Variants in FBN2 observed in about 807,000 individuals in gnomAD.
The protein encoded by FBN2 is fibrillin-2.
In FBN2, 105 loss-of-function variants were observed where a neutral mutation model predicts 355.6. The observed-to-expected ratio is 0.30, with a 90% confidence interval of 0.25 to 0.35. The LOEUF is 0.35. Among genes scored for constraint, FBN2 ranks in the 10% least tolerant of loss-of-function variants. The pLI, the probability that FBN2 is intolerant of heterozygous loss-of-function variation, is 1.00. For missense variants in FBN2, 3,280 were observed against 3,758.7 expected (o/e 0.87, Z 3.33); for synonymous variants, 1,350 against 1,301.2 (o/e 1.04, Z -0.81).
chr5:128,481,718 C>G, intron 5 of FBN2, among the ~76,000 whole-genome samples: 1 of 152,162 alleles, frequency 6.6e-6, no homozygotes, highest in Middle Eastern at 3.4e-3. Context: ...TTTGTATTAT[C>G]TATTTATATC....
intron 5 of FBN2, among the ~76,000 whole-genome samples, chr5:128,495,444 C>G (rs1039719972): frequency 1.3e-5 from 2 of 151,938 alleles, no homozygotes; most frequent in Non-Finnish European, 2.9e-5. Flanking sequence ...TTAATTTATA[C>G]CTCCAAGAAG....
chr5:128,514,506 A>G (rs1036526518), intron 5 of FBN2, among the ~76,000 whole-genome samples: 1 of 152,150 alleles, frequency 6.6e-6, no homozygotes, highest in African/African-American at 2.4e-5. Context: ...TTTTTCTTAT[A>G]ACTCAAGTTC....
intron 7 of FBN2, among the ~76,000 whole-genome samples, chr5:128,422,187 A>G (rs1753366960): frequency 1.3e-5 from 2 of 152,336 alleles, no homozygotes; most frequent in South Asian, 4.1e-4. Context: ...GATCTCTAGA[A>G]CTGTAAGACA....
At chr5:128,269,750 C>T (rs187470074) in intron 62 of FBN2, among the ~76,000 whole-genome samples, 2 of 152,308 alleles carry the variant, frequency 1.3e-5, no homozygotes, top group Admixed American at 6.5e-5. Context: ...AATGGAAAAA[C>T]ATTCCATCCT....
At chr5:128,318,795 C>T (rs529009991) in intron 35 of FBN2, 84 bp downstream of exon 35, 2 of 1,437,890 alleles carry the variant, frequency 1.4e-6, no homozygotes, top group South Asian at 2.5e-5. Flanking sequence ...ATTAGCTAAG[C>T]AGAAATCTCA....
At chr5:128,329,573 T>A (rs1750638510) in intron 33 of FBN2, among the ~76,000 whole-genome samples, 1 of 152,200 alleles carries the variant, frequency 6.6e-6, no homozygotes, top group Non-Finnish European at 1.5e-5. Flanking sequence ...GCATGTTGAC[T>A]GAGCCAGGAT....
chr5:128,278,537 C>G (rs1561744252), intron 57 of FBN2, 98 bp downstream of exon 57: 1 of 1,055,706 alleles, frequency 9.5e-7, no homozygotes, highest in African/African-American at 1.6e-5. Flanking sequence ...TTTAGCTACT[C>G]TTTTGATTGT....
At chr5:128,341,880 G>A (rs937276920) in intron 25 of FBN2, among the ~76,000 whole-genome samples, 2 of 152,208 alleles carry the variant, frequency 1.3e-5, no homozygotes, top group African/African-American at 4.8e-5. Context: ...CCAGTTTAAT[G>A]AAAGAATTCG....
In FBN2 at chr5:128,337,986, G is replaced by C. The variant is rs1750890916; in HGVS notation, c.3598+11C>G. Reference sequence around the variant, plus strand: ...GCTGGGCAGGTTTATGTGCTGAGGAGATAAACTCACCCACACAGTCCTCAC... The same window carrying C: ...GCTGGGCAGGTTTATGTGCTGAGGACATAAACTCACCCACACAGTCCTCAC... On this transcript the variant is annotated intron_variant, in intron 27 of 64. Transcript: ENST00000262464. The C allele has an allele frequency of 1.2e-6, 2 of 1,613,772 alleles. No homozygotes were observed. The highest frequency in any genetic ancestry group is 1.7e-5 in the Admixed American group (1 of 59,998).
intron 34 of FBN2, among the ~76,000 whole-genome samples, chr5:128,327,807 T>A (rs942002872): frequency 2.0e-5 from 3 of 152,074 alleles, no homozygotes; most frequent in African/African-American, 7.2e-5. Context: ...CCCAGCTAAT[T>A]TTGTATTTTT....
At position 128,338,876 on chromosome 5, in the gene FBN2, G is replaced by A. The variant is rs548766578; in HGVS notation, c.3472+57C>T. ...AGAGATAAGCAAAGGTCATGCGCAC[G>A]AATGAGTCTGTGCTAGTATGGTTTC... On this transcript the variant is annotated intron_variant, in intron 26 of 64. Coordinates refer to ENST00000262464, the MANE Select transcript of FBN2 (RefSeq NM_001999.4). The A allele has an allele frequency of 2.5e-5, 39 of 1,582,392 alleles. 1 individual carries two copies. In the African/African-American group the frequency reaches 4.4e-4, roughly 18 times the overall value.
chr5:128,497,602 C>T (rs17615552), intron 5 of FBN2, among the ~76,000 whole-genome samples: 75,717 of 152,010 alleles, frequency 0.5, 22,158 homozygotes, highest in African/African-American at 0.82. Flanking sequence ...TCGATCTAGA[C>T]TTCTATGTTT....
Position 128,504,297 on chromosome 5 carries a change from C to T in FBN2, c.628+14976G>A, listed in dbSNP as rs576875638. Among the ~76,000 whole-genome samples the T allele has an allele frequency of 6.0e-4, 92 of 152,294 alleles. 1 individual carries two copies. The highest frequency in any genetic ancestry group is 3.9e-4 in the East Asian group (2 of 5,178). On this transcript the variant is annotated intron_variant, in intron 5 of 64. Transcript: ENST00000262464. ...CCCACACAGAGTCCCCACTGGGACA[C>T]TGTCTAGTGGAGCTGTGAGAAGAGG... is the stretch of plus-strand genomic sequence containing the variant.
intron 19 of FBN2, among the ~76,000 whole-genome samples, chr5:128,360,576 AG>A (rs1360795738): frequency 6.6e-6 from 1 of 151,342 alleles, no homozygotes; most frequent in Non-Finnish European, 1.5e-5. Context: ...TTTTTTCTTT[AG>A]GCTAATTACT....
intron 6 of FBN2, among the ~76,000 whole-genome samples, chr5:128,458,779 T>C (rs1754476829): frequency 6.6e-6 from 1 of 152,110 alleles, no homozygotes; most frequent in Non-Finnish European, 1.5e-5. Context: ...TACCAGAATC[T>C]CTGGGACACA....
intron 5 of FBN2, among the ~76,000 whole-genome samples, chr5:128,475,018 A>G (rs889321720): frequency 2.3e-4 from 35 of 152,180 alleles, no homozygotes; most frequent in Non-Finnish European, 4.1e-4. Context: ...TGCTGCATGA[A>G]GAACAGTGAT....
At chr5:128,294,021 T>C (rs1373140422) in intron 48 of FBN2, among the ~76,000 whole-genome samples, 2 of 151,352 alleles carry the variant, frequency 1.3e-5, no homozygotes, top group African/African-American at 4.9e-5. Flanking sequence ...CAGAGTGTGA[T>C]GTTCCCCTTC....
At chr5:128,371,654 C>T (rs1008722431) in intron 15 of FBN2, among the ~76,000 whole-genome samples, 2 of 152,064 alleles carry the variant, frequency 1.3e-5, no homozygotes, top group Non-Finnish European at 2.9e-5. Context: ...CTGCCTCAGC[C>T]TCCTGAGTAG....
intron 5 of FBN2, among the ~76,000 whole-genome samples, chr5:128,515,690 A>G (rs17615636): frequency 0.059 from 8,948 of 152,266 alleles, 339 homozygotes; most frequent in Non-Finnish European, 0.084. Context: ...TTGCAACTTG[A>G]TCTCACCTTT....
Sources: allele counts gnomAD v4.1 joint callset (sites outside exome capture counted in the v4.1 genomes callset), GRCh38; gene constraint gnomAD v4.1.1; transcripts MANE v1.5; gene names NCBI Gene and HGNC (gene_info 2026-07-23, HGNC 2026-07-21).